The following FRMPD3 variants were observed in gnomAD, a reference collection of about 807,000 sequenced individuals.
The protein encoded by FRMPD3 is FERM and PDZ domain containing 3.
Under a neutral mutation model 97.9 loss-of-function variants are expected in FRMPD3, and 42 were observed. The ratio of observed to expected loss-of-function variants is 0.43; its 90% CI spans 0.34 to 0.55. FRMPD3 has a LOEUF of 0.55. Ranked by LOEUF, FRMPD3 falls within the 20% of genes least tolerant of loss-of-function variation. FRMPD3 has a pLI of 0.03. For synonymous variants in FRMPD3, 577 were observed against 581.1 expected (o/e 0.99, Z 0.10); for missense variants, 1,303 against 1,457.7 (o/e 0.89, Z 1.73).
Position 107,598,036 on chromosome X carries a change from A to T in FRMPD3, c.2157A>T (p.Arg719=), listed in dbSNP as rs770226000. ...LIDSVQTRTV[R]DHAQELDDAL... is the part of the protein sequence containing the mutation. ...ACAGTGTGCAGACCCGGACAGTTCG[A>T]GATCATGCCCAGGAGCTAGATGATG... Residue 719 remains arginine (R), a synonymous_variant, in exon 14 of 15, where the codon CGA becomes CGT. Transcript: ENST00000683843. 2 of 1,210,650 alleles carry T rather than the reference A, an allele frequency of 1.7e-6. No homozygotes were observed. The highest frequency in any genetic ancestry group is 2.2e-6 in the Non-Finnish European group (2 of 895,319).
At chrX:107,460,517 A>G (rs1483249358) in intron 1 of FRMPD3, among the ~76,000 whole-genome samples, 1 of 109,767 alleles carries the variant, frequency 9.1e-6, no homozygotes, top group African/African-American at 3.3e-5. Flanking sequence ...CAGCCTCCCA[A>G]GTAGCTGGGA....
chrX:107,496,571 C>A (rs73522804), intron 1 of FRMPD3, among the ~76,000 whole-genome samples: 2,237 of 111,938 alleles, frequency 0.02, 49 homozygotes, highest in African/African-American at 0.069. Flanking sequence ...TGTTTTATCA[C>A]CTCTGAGTGT....
intron 8 of FRMPD3, 32 bp from the exon 9 acceptor site, chrX:107,560,225 A>G (rs147318883): frequency 0.01 from 12,258 of 1,200,689 alleles, 237 homozygotes; most frequent in Admixed American, 0.1. Context: ...TGTCTCCTTC[A>G]GCTGATAGGT....
Position 107,476,008 on chromosome X carries a change from C to G in FRMPD3, c.-8+26003C>G, listed in dbSNP as rs1303380887. 2.7e-5 allele frequency among the ~76,000 whole-genome samples: 3 copies of G among 112,036 alleles called. No homozygotes were observed. In the South Asian group the frequency reaches 1.1e-3, roughly 43 times the overall value. ...AAGCGATTCTCCTGCCTCAGCCTCC[C>G]GAGTAGCTGGGATTACAGGTGCCTG... On this transcript the variant is annotated intron_variant, in intron 1 of 14. Transcript: ENST00000683843.
chrX:107,517,632 G>A (rs1380359969), intron 1 of FRMPD3, among the ~76,000 whole-genome samples: 1 of 109,497 alleles, frequency 9.1e-6, no homozygotes, highest in Non-Finnish European at 1.9e-5. Context: ...GTGGTGGCAG[G>A]TGCCTGTAAT....
chrX:107,467,351 A>G (rs1164071203), intron 1 of FRMPD3, among the ~76,000 whole-genome samples: 1 of 110,331 alleles, frequency 9.1e-6, no homozygotes, highest in Non-Finnish European at 1.9e-5. Context: ...GCCTCCGAGG[A>G]CTGACTCCAA....
intron 1 of FRMPD3, among the ~76,000 whole-genome samples, chrX:107,475,209 G>A (rs1396162299): frequency 1.8e-5 from 2 of 111,452 alleles, no homozygotes; most frequent in Admixed American, 9.5e-5. Flanking sequence ...TCTCTTGTCC[G>A]GGTGTCAGTA....
intron 1 of FRMPD3, among the ~76,000 whole-genome samples, chrX:107,525,937 G>A (rs1195835159): frequency 4.5e-5 from 5 of 110,129 alleles, no homozygotes; most frequent in Non-Finnish European, 9.5e-5. Context: ...TTAGCCAGGC[G>A]TGGTGGCACA....
intron 7 of FRMPD3, 74 bp downstream of exon 7, chrX:107,553,000 GA>G: frequency 2.9e-6 from 3 of 1,043,075 alleles, no homozygotes; most frequent in Non-Finnish European, 3.9e-6. Flanking sequence ...TCCCTGTCTG[GA>G]AAATTTATAA....
intron 1 of FRMPD3, among the ~76,000 whole-genome samples, chrX:107,488,768 A>AAAC (rs1556169092): frequency 9.0e-6 from 1 of 111,068 alleles, no homozygotes; most frequent in Non-Finnish European, 1.9e-5. Flanking sequence ...GAGGGGCAAA[A>AAAC]AAACAAACAA....
intron 1 of FRMPD3, among the ~76,000 whole-genome samples, chrX:107,465,196 G>C (rs909489415): frequency 9.0e-6 from 1 of 111,651 alleles, no homozygotes; most frequent in Non-Finnish European, 1.9e-5. Context: ...TCTAGGCTGG[G>C]TGCGGTGGCT....
rs889301037 is a variant in FRMPD3 at position 107,533,570 on chromosome X, A to C, written c.297+20A>C. 6 of 1,187,650 alleles carry C rather than the reference A, an allele frequency of 5.1e-6. No individual in the cohort carries two copies. In the African/African-American group the frequency reaches 1.1e-4, roughly 21 times the overall value. On this transcript the variant is annotated intron_variant, in intron 4 of 14. Coordinates refer to ENST00000683843, the MANE Select transcript of FRMPD3 (RefSeq NM_001388459.1). ...CATCAGGTGAGTGAGCCTCTTTGCC[A>C]TCTGCCCTTCCTCCTGACTGAGAAG...
Position 107,560,835 on chromosome X carries a change from T to A in FRMPD3, c.1008T>A (p.His336Gln), listed in dbSNP as rs750579240. ...AGCAACTGAAGGCTCACCAAACACA[T>A]CCTTCCTGCGGCACCAAGGTATCCA... ...LSQQLKAHQT[H>Q]PSCGTKGSAI... The change falls in exon 10 of 15, where the codon CAT becomes CAA. Residue 336 changes from histidine (H) to glutamine (Q), a missense_variant. Physicochemically the swap from His to Gln is conservative, Grantham distance 24 (BLOSUM62 0). Around this residue, in one of 3 missense-constraint regions of FRMPD3, gnomAD observed 535 missense variants for 618.6 expected, o/e 0.86. Coordinates refer to ENST00000683843, the MANE Select transcript of FRMPD3 (RefSeq NM_001388459.1). The A allele has an allele frequency of 8.4e-7, 1 of 1,195,443 alleles. No individual in the cohort carries two copies. Among genetic ancestry groups the A allele is most frequent in the Non-Finnish European group, 1.1e-6 (1 of 887,607 alleles).
chrX:107,583,869 CTT>C (rs1270872725), intron 13 of FRMPD3, among the ~76,000 whole-genome samples: 7 of 94,855 alleles, frequency 7.4e-5, no homozygotes, highest in Non-Finnish European at 6.4e-5. Flanking sequence ...CTTTTTCTTT[CTT>C]TTTTTTTTTT....
In FRMPD3 at chrX:107,505,231, G is replaced by A. The variant is rs750671147; in HGVS notation, c.-7-21351G>A. 4.4e-5 allele frequency among the ~76,000 whole-genome samples: 5 copies of A among 112,416 alleles called. 1 individual carries two copies. The South Asian group carries it at 1.9e-3, about 42-fold the overall frequency. ...CATCGAACCACACAAATACTCCCAT[G>A]AAGTAGGATAAGAAGGTGTTATTAT... On this transcript the variant is annotated intron_variant, in intron 1 of 14. Coordinates refer to ENST00000683843, the MANE Select transcript of FRMPD3 (RefSeq NM_001388459.1).
intron 1 of FRMPD3, chrX:107,525,736 A>T: frequency 7.4e-6 from 4 of 537,882 alleles, no homozygotes; most frequent in Non-Finnish European, 1.3e-5. Context: ...TGCTACTTAA[A>T]TCATTTATTT....
intron 1 of FRMPD3, among the ~76,000 whole-genome samples, chrX:107,480,716 C>A (rs1921322059): frequency 9.4e-6 from 1 of 106,516 alleles, no homozygotes; most frequent in African/African-American, 3.4e-5. Context: ...ATAATCCCAG[C>A]TACTCAGGAG....
chrX:107,495,203 C>T (rs1319589951), intron 1 of FRMPD3, among the ~76,000 whole-genome samples: 1 of 111,527 alleles, frequency 9.0e-6, no homozygotes, highest in African/African-American at 3.3e-5. Flanking sequence ...CTGACAGGCT[C>T]TTGCCCCAGA....
At chrX:107,585,495 G>C (rs763705181) in intron 13 of FRMPD3, among the ~76,000 whole-genome samples, 4 of 111,562 alleles carry the variant, frequency 3.6e-5, no homozygotes, top group Non-Finnish European at 5.6e-5. Context: ...TAGGAGCGGT[G>C]AGAGGGCATC....
Sources: allele counts gnomAD v4.1 joint callset (sites outside exome capture counted in the v4.1 genomes callset), GRCh38; gene constraint gnomAD v4.1.1; regional missense constraint gnomAD v4.1.1; transcripts MANE v1.5; gene names NCBI Gene and HGNC (gene_info 2026-07-23, HGNC 2026-07-21).